The following CAMK4 variants were observed in gnomAD, a reference collection of about 807,000 sequenced individuals.
CAMK4 encodes the protein calcium/calmodulin dependent protein kinase IV, also known as calcium/calmodulin-dependent protein kinase type IV.
In CAMK4, 22 loss-of-function variants were observed where a neutral mutation model predicts 44.9. The observed-to-expected ratio is 0.49, with a 90% confidence interval of 0.35 to 0.70. The LOEUF is 0.70. Among genes scored for constraint, CAMK4 ranks in the 30% least tolerant of loss-of-function variants. The pLI is 0.01. For synonymous variants in CAMK4, 218 were observed against 215.4 expected, an observed-to-expected ratio of 1.01 and a Z score of -0.11; for missense variants, 498 against 586.8, an observed-to-expected ratio of 0.85 and a Z score of 1.56.
rs144764489 is a variant in CAMK4, at chr5:111,320,155, A to C, written c.162-23869A>C. On this transcript the variant is annotated intron_variant, in intron 1 of 10. Transcript: ENST00000282356. Reference sequence around the variant, plus strand: ...GCATGCTCAACTCAGTGAATCTGATACTGCTAGGGAGAAAAGGGAAGACAG... The same window carrying C: ...GCATGCTCAACTCAGTGAATCTGATCCTGCTAGGGAGAAAAGGGAAGACAG... Among the ~76,000 whole-genome samples the C allele has an allele frequency of 1.6e-3, 247 of 152,314 alleles. 1 individual carries two copies. The highest frequency in any genetic ancestry group is 5.7e-3 in the African/African-American group (238 of 41,584).
rs1305810881 is a variant in CAMK4, at chr5:111,484,457, A to G, written c.1413A>G (p.Pro471=). The G allele has an allele frequency of 2.0e-6, 3 of 1,515,144 alleles. No individual in the cohort carries two copies. The highest frequency in any genetic ancestry group is 2.6e-6 in the Non-Finnish European group (3 of 1,132,470). The allele number at this position is 1,515,144 out of a possible 1,614,324, so 93.9% of individuals were successfully genotyped here. Residue 471 remains proline, a synonymous_variant, in exon 11 of 11, where the codon CCA becomes CCG. Transcript: ENST00000282356. This position sits in a 1 kb window ranked among gnomAD's most constrained non-coding sequence, Gnocchi z 5.3. The part of the protein sequence containing the change: ...FEVPQQDVIL[P]EY ...TTCCACAGCAAGATGTGATCCTGCC[A>G]GAGTACTAAACAGCTTCCTTCAGAT...
At chr5:111,253,592 A>C (rs1384741645) in intron 1 of CAMK4, among the ~76,000 whole-genome samples, 2 of 152,202 alleles carry the variant, frequency 1.3e-5, no homozygotes, top group African/African-American at 4.8e-5. Context: ...AATGAAAGAC[A>C]ATTTTTTGAA....
chr5:111,456,278 G>T (rs1754410474), intron 7 of CAMK4, among the ~76,000 whole-genome samples: 1 of 152,004 alleles, frequency 6.6e-6, no homozygotes, highest in Non-Finnish European at 1.5e-5. Flanking sequence ...GAGGCGGGTG[G>T]ATCATGAGGT....
Position 111,355,024 on chromosome 5 carries a change from A to T in CAMK4, c.240+10922A>T, listed in dbSNP as rs139972723. Among the ~76,000 whole-genome samples, 323 of 152,242 alleles carry T rather than the reference A, an allele frequency of 2.1e-3. 1 individual carries two copies. Among genetic ancestry groups the T allele is most frequent in the African/African-American group, 7.0e-3 (292 of 41,558 alleles). ...CATCTATTGTATGCTGCTATTGGCC[A>T]CTTTTAACTTCTTACTGATGTGCTC... is the stretch of plus-strand genomic sequence containing the variant. On this transcript the variant is annotated intron_variant, in intron 2 of 10. Coordinates refer to ENST00000282356, the MANE Select transcript of CAMK4 (RefSeq NM_001744.6).
Position 111,420,474 on chromosome 5 carries a change from A to G in CAMK4, c.459+25692A>G, listed in dbSNP as rs755353319. Among the ~76,000 whole-genome samples, 102 of 152,096 alleles carry G rather than the reference A, an allele frequency of 6.7e-4. 1 individual carries two copies. Among genetic ancestry groups the G allele is most frequent in the Non-Finnish European group, 6.3e-4 (43 of 68,014 alleles). ...TGCCCTGGTCAGAACTTCCAACACTATATTGAATAGGAGTGGTGAGAGAGG... is the reference window on the plus strand; with the variant it reads ...TGCCCTGGTCAGAACTTCCAACACTGTATTGAATAGGAGTGGTGAGAGAGG... On this transcript the variant is annotated intron_variant, in intron 5 of 10. Coordinates refer to ENST00000282356, the MANE Select transcript of CAMK4 (RefSeq NM_001744.6).
intron 5 of CAMK4, among the ~76,000 whole-genome samples, chr5:111,426,693 G>A (rs1262578096): frequency 6.6e-6 from 1 of 152,166 alleles, no homozygotes; most frequent in Admixed American, 6.5e-5. Context: ...CTGGGTGCTG[G>A]GGGAGGGAGA....
In CAMK4 at chr5:111,394,767, C is replaced by G; in HGVS notation, c.444C>G (p.Ile148Met). 6.2e-7 allele frequency: 1 copy of G among 1,610,186 alleles called. No individual in the cohort carries two copies. Among genetic ancestry groups the G allele is most frequent in the Non-Finnish European group, 8.5e-7 (1 of 1,176,758 alleles). The change falls in exon 5 of 11, where the codon ATC becomes ATG. Residue 148 changes from isoleucine (I) to methionine (M), a missense_variant. By Grantham distance (10) the Ile-to-Met change is conservative. Around this residue, in one of 3 missense-constraint regions of CAMK4, gnomAD observed 203 missense variants for 298.2 expected, o/e 0.68. Transcript: ENST00000282356. The stretch of plus-strand genomic sequence containing the variant: ...ATGCTGCAGATGCCGTTAAACAAAT[C>G]CTGGAGGCAGTTGCTGTAAGTATGA... Reference protein sequence around the residue: ...ERDAADAVKQILEAVAYLHEN... With the variant: ...ERDAADAVKQMLEAVAYLHEN...
chr5:111,242,131 A>T (rs547462603), intron 1 of CAMK4, among the ~76,000 whole-genome samples: 1 of 152,180 alleles, frequency 6.6e-6, no homozygotes, highest in African/African-American at 2.4e-5. Context: ...CTGCTTGTGT[A>T]GCCCACCTCA....
rs1019766792 is a variant in CAMK4 at position 111,362,420 on chromosome 5, ATTT to A, written c.241-12427_241-12425del. Among the ~76,000 whole-genome samples, 3 of 147,088 alleles carry A rather than the reference ATTT, an allele frequency of 2.0e-5. No individual in the cohort carries two copies. In the Admixed American group the frequency reaches 2.1e-4, roughly 10 times the overall value. ...CTTATGGATATTAGATATTCATAAA[ATTT>A]TTATTATGTTTTTGTGTAAAAGATA... is the stretch of plus-strand genomic sequence containing the variant. On this transcript the variant is annotated intron_variant, in intron 2 of 10. Coordinates refer to ENST00000282356, the MANE Select transcript of CAMK4 (RefSeq NM_001744.6).
chr5:111,478,262 T>C (rs1443125914), intron 8 of CAMK4, 119 bp from the exon 9 acceptor site: 14 of 554,184 alleles, frequency 2.5e-5, no homozygotes, highest in Non-Finnish European at 4.3e-5. Context: ...TTAAGCTGAG[T>C]AGACTTGCTT....
At chr5:111,406,078 G>A (rs1418903760) in intron 5 of CAMK4, among the ~76,000 whole-genome samples, 1 of 114,564 alleles carries the variant, frequency 8.7e-6, no homozygotes, top group Non-Finnish European at 1.9e-5. Context: ...TTTTTTTTTT[G>A]TCACTTCTCT....
intron 5 of CAMK4, among the ~76,000 whole-genome samples, chr5:111,424,094 G>A (rs181874007): frequency 6.6e-6 from 1 of 152,296 alleles, no homozygotes; most frequent in African/African-American, 2.4e-5. Context: ...CCACTACTAT[G>A]CCCTGCTATA....
intron 5 of CAMK4, among the ~76,000 whole-genome samples, chr5:111,443,317 A>ATATATAG (rs1561491419): frequency 7.8e-6 from 1 of 127,674 alleles, no homozygotes; most frequent in African/African-American, 2.9e-5. Flanking sequence ...CACACACACT[A>ATATATAG]TATATATATA....
chr5:111,329,851 C>G (rs1749082733), intron 1 of CAMK4, among the ~76,000 whole-genome samples: 1 of 151,590 alleles, frequency 6.6e-6, no homozygotes. Context: ...CTTAATTTGA[C>G]AAACCACATC....
At chr5:111,334,083 C>T (rs1749291553) in intron 1 of CAMK4, among the ~76,000 whole-genome samples, 1 of 151,454 alleles carries the variant, frequency 6.6e-6, no homozygotes, top group East Asian at 2.0e-4. Context: ...GATGCCAAAA[C>T]CTTGGGCTTG....
chr5:111,248,083 C>A (rs565639335), intron 1 of CAMK4, among the ~76,000 whole-genome samples: 3 of 152,102 alleles, frequency 2.0e-5, no homozygotes, highest in Non-Finnish European at 4.4e-5. Flanking sequence ...AGGGGCTTTA[C>A]TATAATTCGG....
intron 1 of CAMK4, among the ~76,000 whole-genome samples, chr5:111,284,517 T>C (rs1201763623): frequency 6.6e-6 from 1 of 152,170 alleles, no homozygotes; most frequent in African/African-American, 2.4e-5. Context: ...CAGACACAGA[T>C]AGAAGCCTTG....
In CAMK4 at chr5:111,494,704, T is replaced by TA. The variant is rs1756005400; in HGVS notation, c.*10244dup. On this transcript the variant is annotated 3_prime_UTR_variant, in exon 11 of 11. Transcript: ENST00000282356. ...GGAACTTGAAGAGTACGTGACATTATAAAAAATGGGTGTTGGAAGACTAAT... is the reference window on the plus strand; with the variant it reads ...GGAACTTGAAGAGTACGTGACATTATAAAAAAATGGGTGTTGGAAGACTAAT... 1.3e-5 allele frequency: 2 copies of TA among 151,974 alleles called. No individual in the cohort carries two copies. The highest frequency in any genetic ancestry group is 2.1e-4 in the South Asian group (1 of 4,822). The allele number at this position is 151,974 out of a possible 1,614,324, so 9.4% of individuals were successfully genotyped here.
chr5:111,286,109 G>T (rs1751230081), intron 1 of CAMK4, among the ~76,000 whole-genome samples: 1 of 152,206 alleles, frequency 6.6e-6, no homozygotes, highest in Non-Finnish European at 1.5e-5. Flanking sequence ...ATGGAGGTAT[G>T]TAAAATTCAG....
Sources: gnomAD v4.1 joint callset for allele counts (sites outside exome capture counted in the v4.1 genomes callset) on GRCh38, gnomAD v4.1.1 for gene constraint, gnomAD v4.1.1 regional missense constraint, Gnocchi (gnomAD v3.1) non-coding constraint, MANE v1.5 for transcripts, NCBI Gene and HGNC (gene_info 2026-07-23, HGNC 2026-07-21) for gene names.